The following TCF4 variants were observed in gnomAD, a reference collection of about 807,000 sequenced individuals.
TCF4 encodes the protein SL3-3 enhancer factor 2.
A neutral mutation model predicts 82.1 loss-of-function variants in TCF4; 3 were observed. The observed-to-expected ratio is 0.04, with a 90% CI of 0.02 to 0.09. The LOEUF is 0.09. TCF4 is among the 10% of genes least tolerant of loss of function. The pLI, the probability that TCF4 is intolerant of heterozygous loss-of-function variation, is 1.00. For missense variants in TCF4, 518 were observed against 852.7 expected, an observed-to-expected ratio of 0.61 and a Z score of 4.89; for synonymous variants, 276 against 309.6, an observed-to-expected ratio of 0.89 and a Z score of 1.14.
intron 3 of TCF4, among the ~76,000 whole-genome samples, chr18:55,561,309 T>G (rs1020283554): frequency 7.9e-5 from 12 of 152,220 alleles, no homozygotes; most frequent in Non-Finnish European, 1.6e-4. Flanking sequence ...TTTATATACA[T>G]GTTTATCTCC....
intron 6 of TCF4, among the ~76,000 whole-genome samples, chr18:55,400,618 C>T (rs1397692883): frequency 2.6e-5 from 4 of 152,066 alleles, no homozygotes; most frequent in East Asian, 3.9e-4. Flanking sequence ...AAAATATATC[C>T]ATTTAAAAAA....
chr18:55,258,367 C>T (rs559560786), intron 13 of TCF4, among the ~76,000 whole-genome samples: 1 of 152,288 alleles, frequency 6.6e-6, no homozygotes, highest in Admixed American at 6.5e-5. Context: ...AAAGTGGCAT[C>T]TCTAGCCTTG....
At chr18:55,337,234 T>C (rs898039179) in intron 8 of TCF4, among the ~76,000 whole-genome samples, 1 of 152,212 alleles carries the variant, frequency 6.6e-6, no homozygotes. Flanking sequence ...TGGTATTCTA[T>C]TTCTAAGCTT....
In TCF4 at chr18:55,226,976, T is replaced by A. The variant is rs1007920828; in HGVS notation, c.*1059A>T. Reference sequence around the variant, plus strand: ...GTAACATTGTAGCATTCTAACCTTGTACCTCTGAAAATCCCAGAATAGGTT... The same window carrying A: ...GTAACATTGTAGCATTCTAACCTTGAACCTCTGAAAATCCCAGAATAGGTT... On this transcript the variant is annotated 3_prime_UTR_variant, in exon 20 of 20. Coordinates refer to ENST00000354452, the MANE Select transcript of TCF4 (RefSeq NM_001083962.2). 1 of 152,636 alleles carries A rather than the reference T, an allele frequency of 6.6e-6. No homozygotes were observed. Among genetic ancestry groups the A allele is most frequent in the African/African-American group, 2.4e-5 (1 of 41,458 alleles). 9.5% of individuals were successfully genotyped at this position (152,636 alleles called of 1,614,324 possible).
At chr18:55,589,181 C>T, upstream of TCF4, 2 of 782,072 alleles carry the variant, frequency 2.6e-6, no homozygotes, top group Non-Finnish European at 3.2e-6. Context: ...CACTTTTTCC[C>T]ATTGGCAATT....
intron 6 of TCF4, among the ~76,000 whole-genome samples, chr18:55,359,531 A>C (rs573158980): frequency 6.6e-6 from 1 of 152,294 alleles, no homozygotes; most frequent in African/African-American, 2.4e-5. Context: ...CCCTCAGTAA[A>C]GGCCAACTGG....
intron 6 of TCF4, among the ~76,000 whole-genome samples, chr18:55,388,649 T>A (rs2092803631): frequency 6.6e-6 from 1 of 152,074 alleles, no homozygotes; most frequent in Non-Finnish European, 1.5e-5. Context: ...ATGAAAAGAC[T>A]CTGTGGGCTA....
rs140078086 is a variant in TCF4, at chr18:55,228,860, C to T, written c.1866G>A (p.Glu622=). 15 of 1,614,024 alleles carry T rather than the reference C, an allele frequency of 9.3e-6. No homozygotes were observed. The African/African-American group carries it at 2.0e-4, about 22-fold the overall frequency. The part of the protein sequence containing the change: ...HQAVAVILSL[E]QQVRERNLNP... ...GCCTGCACTGACCTCGGACTTGCTG[C>T]TCCAGACTGAGGATGACGGCCACCG... The change falls in exon 18 of 20, where the codon GAG becomes GAA. Residue 622 remains glutamate (E), a synonymous_variant. Transcript: ENST00000354452.
intron 2 of TCF4, among the ~76,000 whole-genome samples, chr18:55,628,231 T>G (rs574310361): frequency 6.6e-6 from 1 of 152,254 alleles, no homozygotes; most frequent in Non-Finnish European, 1.5e-5. Context: ...AAAACTTCTC[T>G]AGGAACTGGA....
intron 11 of TCF4, chr18:55,267,022 G>A (rs1450461044): frequency 6.6e-6 from 1 of 152,106 alleles, no homozygotes; most frequent in Non-Finnish European, 1.5e-5. Flanking sequence ...AACTGAAAAA[G>A]CAGCTTCCTA....
At chr18:55,555,061 A>G (rs1157701490) in intron 3 of TCF4, among the ~76,000 whole-genome samples, 1 of 152,170 alleles carries the variant, frequency 6.6e-6, no homozygotes, top group Non-Finnish European at 1.5e-5. Context: ...TAAATAATTC[A>G]CCAGGAAAAT....
At chr18:55,609,947 C>T (rs1196885729) in intron 2 of TCF4, among the ~76,000 whole-genome samples, 1 of 152,100 alleles carries the variant, frequency 6.6e-6, no homozygotes, top group African/African-American at 2.4e-5. Flanking sequence ...GCACTTTTCA[C>T]CATCTGTAGT....
intron 2 of TCF4, among the ~76,000 whole-genome samples, chr18:55,586,600 C>T (rs1387035303): frequency 6.6e-6 from 1 of 152,204 alleles, no homozygotes; most frequent in East Asian, 1.9e-4. Flanking sequence ...CAATCCAAAG[C>T]ATCATTAGCT....
intron 3 of TCF4, among the ~76,000 whole-genome samples, chr18:55,466,166 A>G (rs563174791): frequency 1.3e-5 from 2 of 152,216 alleles, no homozygotes; most frequent in African/African-American, 4.8e-5. Context: ...TTGCTATTAA[A>G]TATCTCATAA....
intron 8 of TCF4, chr18:55,284,255 AC>A (rs1279577092): frequency 6.6e-6 from 1 of 152,126 alleles, no homozygotes; most frequent in Non-Finnish European, 1.5e-5. Context: ...CACCAAAGAT[AC>A]AAAAAATTAG....
chr18:55,397,347 C>T (rs932592385), intron 6 of TCF4, among the ~76,000 whole-genome samples: 3 of 152,104 alleles, frequency 2.0e-5, no homozygotes, highest in Non-Finnish European at 4.4e-5. Flanking sequence ...TTAAACAGCA[C>T]CACAAGGAAA....
At chr18:55,591,269 CA>C (rs2097684931), upstream of TCF4, 1 of 152,174 alleles carries the variant, frequency 6.6e-6, no homozygotes, top group Non-Finnish European at 1.5e-5. Context: ...TGCATTATCA[CA>C]AGCATCATCC....
chr18:55,402,427 T>C (rs865912584), intron 6 of TCF4, among the ~76,000 whole-genome samples: 1 of 152,028 alleles, frequency 6.6e-6, no homozygotes, highest in Non-Finnish European at 1.5e-5. Flanking sequence ...AAATAGATTT[T>C]TTTCCCCCAT....
chr18:55,583,105 T>C (rs556688677), intron 3 of TCF4, among the ~76,000 whole-genome samples: 9 of 152,248 alleles, frequency 5.9e-5, no homozygotes, highest in East Asian at 5.8e-4. Context: ...ATCACCATCA[T>C]ACTACATGAA....
Sources: gnomAD v4.1 joint callset for allele counts (sites outside exome capture counted in the v4.1 genomes callset) on GRCh38, gnomAD v4.1.1 for gene constraint, MANE v1.5 for transcripts, NCBI Gene and HGNC (gene_info 2026-07-23, HGNC 2026-07-21) for gene names.